ARMCX5: variants seen among roughly 807,000 people sequenced by gnomAD.
ARMCX5 encodes the protein armadillo repeat containing X-linked 5, also known as armadillo repeat-containing X-linked protein 5.
A neutral mutation model predicts 7.5 loss-of-function variants in ARMCX5; 1 was observed. The observed-to-expected ratio is 0.13, with a 90% CI of 0.05 to 0.63. The LOEUF (loss-of-function observed/expected upper bound fraction) is 0.63, where lower values mean the gene tolerates loss of function less well. Ranked by LOEUF, ARMCX5 falls within the 30% of genes least tolerant of loss-of-function variation. The pLI, the probability that ARMCX5 is intolerant of heterozygous loss-of-function variation, is 0.86. For synonymous variants in ARMCX5, 149 were observed against 145.7 expected (o/e 1.02, Z -0.16); for missense variants, 346 against 402.2 (o/e 0.86, Z 1.19).
In ARMCX5 at chrX:102,603,558, A is replaced by G; in HGVS notation, c.1417A>G (p.Lys473Glu). ...HANTRELISAKVLSSLVAPFN... is the reference protein window; with the variant it reads ...HANTRELISAEVLSSLVAPFN... ...CAATACAAGAGAATTGATCAGTGCC[A>G]AAGTACTGTCATCATTGGTTGCACC... The change falls in exon 4 of 4, where the codon AAA becomes GAA. Residue 473 changes from lysine to glutamate, a missense_variant. Lys to Glu is a moderately conservative substitution (Grantham distance 56). This residue lies in a region of ARMCX5 where 139 missense variants were observed against 141.1 expected (regional missense o/e 0.99). Coordinates refer to ENST00000473968, the MANE Select transcript of ARMCX5 (RefSeq NM_001168478.2). The G allele has an allele frequency of 1.7e-6, 2 of 1,203,237 alleles. No homozygotes were observed. Among genetic ancestry groups the G allele is most frequent in the Non-Finnish European group, 2.3e-6 (2 of 887,659 alleles).
intron 1 of ARMCX5, chrX:102,600,592 A>G (rs980629106): frequency 9.0e-6 from 1 of 110,867 alleles, no homozygotes; most frequent in Non-Finnish European, 1.9e-5. Context: ...AAACATAGGA[A>G]CCCAGATGAA....
chrX:102,601,793 A>G (rs1351170397), intron 3 of ARMCX5, 87 bp from the exon 4 acceptor site: 5 of 207,930 alleles, frequency 2.4e-5, no homozygotes, highest in Non-Finnish European at 4.4e-5. Context: ...CTGAATCACC[A>G]TATTCTCCTG....
At position 102,599,856 on chromosome X, in the gene ARMCX5, G is replaced by C. The variant is rs1341910522; in HGVS notation, c.-422+9G>C. Reference sequence around the variant, plus strand: ...TGATCCAAGCAGAGAAGGTCAGTGAGAAGGTGCGCATCGCTTGGGGGTGGA... The same window carrying C: ...TGATCCAAGCAGAGAAGGTCAGTGACAAGGTGCGCATCGCTTGGGGGTGGA... On this transcript the variant is annotated intron_variant, in intron 1 of 3. Coordinates refer to ENST00000473968, the MANE Select transcript of ARMCX5 (RefSeq NM_001168478.2). The C allele has an allele frequency of 9.5e-6, 1 of 105,515 alleles. No homozygotes were observed. Among genetic ancestry groups the C allele is most frequent in the African/African-American group, 3.5e-5 (1 of 28,790 alleles). 8.7% of individuals were successfully genotyped at this position (105,515 alleles called of 1,213,427 possible). A position where few individuals can be genotyped will look rare whatever the true frequency, so the allele number is the denominator to read the frequency against.
Position 102,604,064 on chromosome X carries a change from G to A in ARMCX5, c.*246G>A. 1 of 277,422 alleles carries A rather than the reference G, an allele frequency of 3.6e-6. No homozygotes were observed. Among genetic ancestry groups the A allele is most frequent in the Non-Finnish European group, 6.6e-6 (1 of 152,320 alleles). 22.9% of individuals were successfully genotyped at this position (277,422 alleles called of 1,213,427 possible). ...CTGATAATGAATCTATTCATCCTGA[G>A]TAAGCTATACTTCTGTGCTTTATAT... On this transcript the variant is annotated 3_prime_UTR_variant, in exon 4 of 4. Transcript: ENST00000473968.
Position 102,603,066 on chromosome X carries a change from C to T in ARMCX5, c.925C>T (p.Pro309Ser), listed in dbSNP as rs1201063133. 1.7e-6 allele frequency: 2 copies of T among 1,211,226 alleles called. No individual in the cohort carries two copies. The highest frequency in any genetic ancestry group is 2.2e-6 in the Non-Finnish European group (2 of 895,127). ...CAAATCACGTGGCTTTAGTTTAGAGCCTAAAGAGTTTGATAAACTTGTTGC... is the reference window on the plus strand; with the variant it reads ...CAAATCACGTGGCTTTAGTTTAGAGTCTAAAGAGTTTGATAAACTTGTTGC... ...HCKSRGFSLE[P>S]KEFDKLVALL... is the part of the protein sequence containing the mutation. Residue 309 changes from proline to serine, a missense_variant, in exon 4 of 4, where the codon CCT (proline) becomes TCT (serine). Physicochemically the swap from Pro to Ser is moderately conservative, Grantham distance 74. This residue lies in a region of ARMCX5 where 204 missense variants were observed against 244.3 expected (regional missense o/e 0.83). Transcript: ENST00000473968.
Position 102,603,925 on chromosome X carries a change from G to A in ARMCX5, c.*107G>A. ...AATACTTATGTTTTCCATGTTGATT[G>A]AGGGAGGCAATTTTATGGATACCAA... On this transcript the variant is annotated 3_prime_UTR_variant, in exon 4 of 4. Transcript: ENST00000473968. 1 of 534,596 alleles carries A rather than the reference G, an allele frequency of 1.9e-6. No individual in the cohort carries two copies. The highest frequency in any genetic ancestry group is 3.6e-4 in the Middle Eastern group (1 of 2,781). The allele number at this position is 534,596 out of a possible 1,213,427, so 44.1% of individuals were successfully genotyped here. A position where few individuals can be genotyped will look rare whatever the true frequency, so the allele number is the denominator to read the frequency against.
At position 102,599,563 on chromosome X, in the gene ARMCX5, G is replaced by T. The variant is rs989676993; in HGVS notation, c.-706G>T. On this transcript the variant is annotated 5_prime_UTR_variant, in exon 1 of 4. Coordinates refer to ENST00000473968, the MANE Select transcript of ARMCX5 (RefSeq NM_001168478.2). ...GCGGACGTGGAAGAACCTCGTCTGC[G>T]GAGGAAAAGGTAGATGTTAAATGGT... 9.1e-6 allele frequency: 1 copy of T among 110,231 alleles called. No homozygotes were observed. The highest frequency in any genetic ancestry group is 9.8e-5 in the Admixed American group (1 of 10,248). The allele number at this position is 110,231 out of a possible 1,213,427, so 9.1% of individuals were successfully genotyped here. A position where few individuals can be genotyped will look rare whatever the true frequency, so the allele number is the denominator to read the frequency against.
rs2081046019 is a variant in ARMCX5 at position 102,601,956 on chromosome X, C to G, written c.-186C>G. 1 of 453,420 alleles carries G rather than the reference C, an allele frequency of 2.2e-6. No individual in the cohort carries two copies. The highest frequency in any genetic ancestry group is 2.4e-5 in the African/African-American group (1 of 41,209). 37.4% of individuals were successfully genotyped at this position (453,420 alleles called of 1,213,427 possible). On this transcript the variant is annotated 5_prime_UTR_variant, in exon 4 of 4. Transcript: ENST00000473968. ...CCCTCCACAGGGCTGGGCCCATGCA[C>G]AGCCATCCTTCCCTACCTTGAGTGA...
At chrX:102,600,805 C>G (rs777077319) in intron 1 of ARMCX5, 115 bp from the exon 2 acceptor site, 2 of 110,702 alleles carry the variant, frequency 1.8e-5, no homozygotes, top group African/African-American at 3.3e-5. Flanking sequence ...GTTTGCCAAA[C>G]AGGTACTTAT....
Position 102,602,949 on chromosome X carries a change from T to C in ARMCX5, c.808T>C (p.Tyr270His). 8.3e-7 allele frequency: 1 copy of C among 1,210,945 alleles called. No homozygotes were observed. Among genetic ancestry groups the C allele is most frequent in the Non-Finnish European group, 1.1e-6 (1 of 894,965 alleles). ...TCGACCTTTGACCAAGATCCCACCT[T>C]ATCATGGGCCTTATTACCAGACCTT... ...GIRPLTKIPPYHGPYYQTLAE... is the reference protein window; with the variant it reads ...GIRPLTKIPPHHGPYYQTLAE... Residue 270 changes from tyrosine to histidine, a missense_variant, in exon 4 of 4, where the codon TAT (tyrosine) becomes CAT (histidine). By Grantham distance (83) the Tyr-to-His change is moderately conservative (BLOSUM62 2). Around this residue, in one of 3 missense-constraint regions of ARMCX5, gnomAD observed 204 missense variants for 244.3 expected, o/e 0.83. Transcript: ENST00000473968.
At position 102,603,334 on chromosome X, in the gene ARMCX5, A is replaced by G. The variant is rs779517538; in HGVS notation, c.1193A>G (p.Lys398Arg). 2.1e-5 allele frequency: 25 copies of G among 1,208,549 alleles called. No homozygotes were observed. The highest frequency in any genetic ancestry group is 2.8e-5 in the Non-Finnish European group (25 of 894,361). ...GAGTCATATATACATCAAGTTTGTA[A>G]AGGCATAATCTCTTGCCCCTTGAAC... ...SGESYIHQVC[K>R]GIISCPLNSP... Residue 398 changes from lysine (K) to arginine (R), a missense_variant, in exon 4 of 4, where the codon AAA becomes AGA. By Grantham distance (26) the Lys-to-Arg change is conservative. Coordinates refer to ENST00000473968, the MANE Select transcript of ARMCX5 (RefSeq NM_001168478.2).
chrX:102,601,768 C>T, intron 3 of ARMCX5, 112 bp from the exon 4 acceptor site: 1 of 164,164 alleles, frequency 6.1e-6, no homozygotes. Context: ...AATTATCTAC[C>T]TCTCTCACCT....
At chrX:102,599,481 A>C (rs191379211), upstream of ARMCX5, 4 of 109,725 alleles carry the variant, frequency 3.6e-5, no homozygotes, top group Non-Finnish European at 1.9e-5. Flanking sequence ...CTCCGCTTCC[A>C]TAAGCCGGAT....
chrX:102,601,769 TC>T (rs2081043759), intron 3 of ARMCX5, 110 bp from the exon 4 acceptor site: 2 of 163,677 alleles, frequency 1.2e-5, no homozygotes, highest in Non-Finnish European at 2.3e-5. Context: ...ATTATCTACC[TC>T]TCTCACCTAG....
At chrX:102,599,268 T>C (rs758607092), upstream of ARMCX5, 9 of 111,140 alleles carry the variant, frequency 8.1e-5, no homozygotes, top group African/African-American at 2.9e-4. Context: ...GAAAGAATGG[T>C]AGGCTTGGTG....
In ARMCX5 at chrX:102,602,750, C is replaced by A; in HGVS notation, c.609C>A (p.Ile203=). The change falls in exon 4 of 4, where the codon ATC becomes ATA. Residue 203 remains isoleucine, a synonymous_variant. Transcript: ENST00000473968. ...SLQVYKPLPK[I]QEKPKPTHKP... is the part of the protein sequence containing the mutation. ...AAGTTTATAAGCCCCTACCTAAGAT[C>A]CAGGAAAAGCCCAAGCCCACACACA... 8.3e-7 allele frequency: 1 copy of A among 1,210,311 alleles called. No individual in the cohort carries two copies. The highest frequency in any genetic ancestry group is 1.8e-5 in the South Asian group (1 of 56,899).
chrX:102,602,482 C>T lies in ARMCX5; in HGVS notation c.341C>T (p.Ser114Phe), dbSNP rs1213364116. The change falls in exon 4 of 4, where the codon TCT becomes TTT. Residue 114 changes from serine to phenylalanine, a missense_variant. Ser to Phe is a radical substitution (Grantham distance 155). Around this residue, in one of 3 missense-constraint regions of ARMCX5, gnomAD observed 204 missense variants for 244.3 expected, o/e 0.83. Coordinates refer to ENST00000473968, the MANE Select transcript of ARMCX5 (RefSeq NM_001168478.2). ...ACCAAGTCAAAGGCCATGCCTATGT[C>T]TAGGGTCAGTACTGTAACCAAGTCT... ...PQTKSKAMPM[S>F]RVSTVTKSEV... The T allele has an allele frequency of 1.7e-6, 2 of 1,209,752 alleles. No homozygotes were observed. The highest frequency in any genetic ancestry group is 2.2e-5 in the Admixed American group (1 of 45,767).
At position 102,601,462 on chromosome X, in the gene ARMCX5, A is replaced by G. The variant is rs1264532740; in HGVS notation, c.-308-2A>G. The G allele has an allele frequency of 8.9e-6, 1 of 111,770 alleles. No individual in the cohort carries two copies. Among genetic ancestry groups the G allele is most frequent in the East Asian group, 2.8e-4 (1 of 3,529 alleles). 9.2% of individuals were successfully genotyped at this position (111,770 alleles called of 1,213,427 possible). The stretch of plus-strand genomic sequence containing the variant: ...TTCTCCTGTTTGTTTATTTGTCCAT[A>G]GGTCTGCCTGTAGATCTGCTGTAGG... On this transcript the variant is annotated splice_acceptor_variant, in intron 2 of 3. Transcript: ENST00000473968. LOFTEE classifies it low-confidence loss of function (5UTR_SPLICE).
rs2081054430 is a variant in ARMCX5, at chrX:102,602,596, G to A, written c.455G>A (p.Arg152Lys). The stretch of plus-strand genomic sequence containing the variant: ...GCCAATACTGGGTCCAGACCTGACA[G>A]AAGGGAAGAGACCAGCATTGGGATG... The part of the protein sequence containing the change: ...DKANTGSRPD[R>K]REETSIGMKS... The change falls in exon 4 of 4, where the codon AGA becomes AAA. Residue 152 changes from arginine (R) to lysine (K), a missense_variant. By Grantham distance (26) the Arg-to-Lys change is conservative (BLOSUM62 2). This residue lies in a region of ARMCX5 where 204 missense variants were observed against 244.3 expected (regional missense o/e 0.83). Transcript: ENST00000473968. The A allele has an allele frequency of 8.3e-7, 1 of 1,208,632 alleles. No individual in the cohort carries two copies. The highest frequency in any genetic ancestry group is 2.2e-5 in the Admixed American group (1 of 45,781).
Sources: gnomAD v4.1 joint callset for allele counts on GRCh38, gnomAD v4.1.1 for gene constraint, gnomAD v4.1.1 regional missense constraint, MANE v1.5 for transcripts, NCBI Gene and HGNC (gene_info 2026-07-23, HGNC 2026-07-21) for gene names.